Variants in SEMA5A observed in about 807,000 individuals in gnomAD.
SEMA5A encodes the protein semaphorin 5A, also known as semaphorin-5A.
Under a neutral mutation model 135.5 loss-of-function variants are expected in SEMA5A, and 55 were observed. The observed-to-expected ratio is 0.41, with a 90% CI of 0.33 to 0.51. SEMA5A has a LOEUF of 0.51. Ranked by LOEUF, SEMA5A falls within the 20% of genes least tolerant of loss-of-function variation. SEMA5A has a pLI of 0.37. For synonymous variants in SEMA5A, 580 were observed against 546.5 expected, an observed-to-expected ratio of 1.06 and a Z score of -0.85; for missense variants, 1,290 against 1,419.9, an observed-to-expected ratio of 0.91 and a Z score of 1.47.
intron 16 of SEMA5A, among the ~76,000 whole-genome samples, chr5:9,069,882 A>T (rs1737682458): frequency 6.6e-6 from 1 of 152,148 alleles, no homozygotes; most frequent in Admixed American, 6.5e-5. Context: ...CGCGTGTGTG[A>T]TCTCTTTCAC....
chr5:9,303,687 T>G (rs1045181186), intron 5 of SEMA5A, among the ~76,000 whole-genome samples: 3 of 152,144 alleles, frequency 2.0e-5, no homozygotes, highest in Admixed American at 2.0e-4. Flanking sequence ...CAAATATATA[T>G]GTACAGAAGC....
intron 2 of SEMA5A, among the ~76,000 whole-genome samples, chr5:9,435,474 C>A (rs1757996449): frequency 6.6e-6 from 1 of 152,130 alleles, no homozygotes; most frequent in Non-Finnish European, 1.5e-5. Flanking sequence ...AATAGAACAT[C>A]AAATGTCCTT....
chr5:9,243,854 C>A (rs1748339876), intron 5 of SEMA5A, among the ~76,000 whole-genome samples: 1 of 152,116 alleles, frequency 6.6e-6, no homozygotes, highest in African/African-American at 2.4e-5. Context: ...AAATTAAGTG[C>A]CCCTTCTTAC....
intron 1 of SEMA5A, among the ~76,000 whole-genome samples, chr5:9,498,065 C>T (rs77849592): frequency 8.4e-4 from 128 of 152,190 alleles, no homozygotes; most frequent in Middle Eastern, 3.4e-3. Context: ...CTGTATACTA[C>T]GATGTTTTGA....
chr5:9,287,109 G>A (rs116719574), intron 5 of SEMA5A, among the ~76,000 whole-genome samples: 1,727 of 152,206 alleles, frequency 0.011, 36 homozygotes, highest in African/African-American at 0.04. Flanking sequence ...ACCCTCCCCC[G>A]TCCACCTGCA....
intron 2 of SEMA5A, among the ~76,000 whole-genome samples, chr5:9,432,536 T>G (rs762373729): frequency 6.6e-6 from 1 of 152,194 alleles, no homozygotes; most frequent in Non-Finnish European, 1.5e-5. Flanking sequence ...CTCACTTTCC[T>G]TATTTTATAG....
intron 1 of SEMA5A, among the ~76,000 whole-genome samples, chr5:9,450,571 T>C (rs1410044301): frequency 6.6e-6 from 1 of 152,194 alleles, no homozygotes; most frequent in Non-Finnish European, 1.5e-5. Context: ...TCTCCCTTGC[T>C]GCTGCCTGTC....
chr5:9,330,131 GA>G (rs11289221), intron 4 of SEMA5A, among the ~76,000 whole-genome samples: 41,625 of 149,684 alleles, frequency 0.28, 8,558 homozygotes, highest in African/African-American at 0.58. Flanking sequence ...CTCAAGCAGG[GA>G]AAAAAAAAAT....
At chr5:9,170,611 T>C (rs533511806) in intron 11 of SEMA5A, among the ~76,000 whole-genome samples, 3 of 152,046 alleles carry the variant, frequency 2.0e-5, no homozygotes, top group African/African-American at 7.2e-5. Context: ...CCTTATAAAA[T>C]AGGTCTCAGA....
intron 5 of SEMA5A, among the ~76,000 whole-genome samples, chr5:9,298,427 G>A: frequency 6.6e-6 from 1 of 152,184 alleles, no homozygotes; most frequent in East Asian, 1.9e-4. Context: ...CTCCAGAACT[G>A]TGAGGTCATC....
intron 1 of SEMA5A, among the ~76,000 whole-genome samples, chr5:9,461,026 C>G (rs1274027555): frequency 6.6e-6 from 1 of 152,206 alleles, no homozygotes; most frequent in Non-Finnish European, 1.5e-5. Flanking sequence ...GGTCTTAACT[C>G]CAAAGATGGA....
At chr5:9,291,011 C>T (rs1399154391) in intron 5 of SEMA5A, among the ~76,000 whole-genome samples, 2 of 152,292 alleles carry the variant, frequency 1.3e-5, no homozygotes, top group East Asian at 3.9e-4. Flanking sequence ...GAGGCACCAG[C>T]ATCAACTTAC....
At chr5:9,098,929 A>G (rs1739472281) in intron 16 of SEMA5A, among the ~76,000 whole-genome samples, 1 of 152,246 alleles carries the variant, frequency 6.6e-6, no homozygotes, top group African/African-American at 2.4e-5. Context: ...ACTTCTTTCA[A>G]TTAACTTTGC....
Position 9,038,731 on chromosome 5 carries a change from C to CGT in SEMA5A, c.*4165_*4166insAC, listed in dbSNP as rs372847685. 1 of 140,568 alleles carries CGT rather than the reference C, an allele frequency of 7.1e-6. No individual in the cohort carries two copies. Among genetic ancestry groups the CGT allele is most frequent in the Non-Finnish European group, 1.5e-5 (1 of 65,720 alleles). 8.7% of individuals were successfully genotyped at this position (140,568 alleles called of 1,614,324 possible). On this transcript the variant is annotated 3_prime_UTR_variant, in exon 23 of 23. Coordinates refer to ENST00000382496, the MANE Select transcript of SEMA5A (RefSeq NM_003966.3). ...AGAGACCCCCCGCTAAGACTTTGTT[C>CGT]TTTTTTTTTTTTTTTGAGACAGGGT...
At chr5:9,529,018 A>C (rs455757) in intron 1 of SEMA5A, among the ~76,000 whole-genome samples, 1 of 152,064 alleles carries the variant, frequency 6.6e-6, no homozygotes, top group Non-Finnish European at 1.5e-5. Flanking sequence ...TTGTACTTAC[A>C]AGAAATCCAA....
chr5:9,392,932 A>G (rs1756230323), intron 2 of SEMA5A, among the ~76,000 whole-genome samples: 1 of 152,260 alleles, frequency 6.6e-6, no homozygotes, highest in African/African-American at 2.4e-5. Context: ...ATGGAAAAGT[A>G]CAAGTTAGTT....
At chr5:9,334,105 A>T (rs1753276678) in intron 4 of SEMA5A, among the ~76,000 whole-genome samples, 2 of 152,292 alleles carry the variant, frequency 1.3e-5, no homozygotes, top group South Asian at 4.2e-4. Context: ...AACTTCCTTT[A>T]TCAAAGAGTA....
At position 9,119,511 on chromosome 5, in the gene SEMA5A, G is replaced by C. The variant is rs1160807039; in HGVS notation, c.1782-370C>G. ...TGAATCCCTACACCTCTACAGTTTAGGATTTTTTGGACTTGTATTATATCA... is the reference window on the plus strand; with the variant it reads ...TGAATCCCTACACCTCTACAGTTTACGATTTTTTGGACTTGTATTATATCA... On this transcript the variant is annotated intron_variant, in intron 14 of 22. Transcript: ENST00000382496. Among the ~76,000 whole-genome samples, 10 of 152,124 alleles carry C rather than the reference G, an allele frequency of 6.6e-5. No homozygotes were observed. In the East Asian group the frequency reaches 1.9e-3, roughly 29 times the overall value.
intron 1 of SEMA5A, among the ~76,000 whole-genome samples, chr5:9,489,145 A>G (rs1301144845): frequency 6.6e-6 from 1 of 152,168 alleles, no homozygotes; most frequent in African/African-American, 2.4e-5. Context: ...CATTACATCC[A>G]AAAAGCATCC....
Sources: gnomAD v4.1 joint callset for allele counts (sites outside exome capture counted in the v4.1 genomes callset) on GRCh38, gnomAD v4.1.1 for gene constraint, MANE v1.5 for transcripts, NCBI Gene and HGNC (gene_info 2026-07-23, HGNC 2026-07-21) for gene names.